GRM1: variants seen among roughly 807,000 people sequenced by gnomAD.
GRM1 encodes the protein glutamate metabotropic receptor 1, also known as metabotropic glutamate receptor 1.
Under a neutral mutation model 90.9 loss-of-function variants are expected in GRM1, and 33 were observed. The observed-to-expected ratio is 0.36, with a 90% CI of 0.28 to 0.49. The LOEUF is 0.49. GRM1 is among the 20% of genes least tolerant of loss of function. The probability of loss-of-function intolerance (pLI) is 0.99; values close to 1 mark genes in which losing one functional copy is unlikely to be tolerated. For missense variants in GRM1, 1,190 were observed against 1,534.3 expected (o/e 0.78, Z 3.75); for synonymous variants, 700 against 613.2 (o/e 1.14, Z -2.09).
chr6:146,150,745 C>T (rs1777294499), intron 1 of GRM1, among the ~76,000 whole-genome samples: 1 of 152,154 alleles, frequency 6.6e-6, no homozygotes, highest in South Asian at 2.1e-4. Flanking sequence ...GACCATCCTT[C>T]TACTCTATCT....
At chr6:146,285,950 T>C (rs1782753167) in intron 2 of GRM1, among the ~76,000 whole-genome samples, 1 of 152,190 alleles carries the variant, frequency 6.6e-6, no homozygotes, top group Non-Finnish European at 1.5e-5. Context: ...CTATATTTAA[T>C]GAGTTCTAGC....
At chr6:146,186,565 T>C (rs2114565433) in intron 2 of GRM1, among the ~76,000 whole-genome samples, 1 of 152,322 alleles carries the variant, frequency 6.6e-6, no homozygotes, top group East Asian at 1.9e-4. Flanking sequence ...ACTGGGTACA[T>C]GATCTGTTTA....
chr6:146,209,361 T>C (rs1043905165), intron 2 of GRM1, among the ~76,000 whole-genome samples: 2 of 152,156 alleles, frequency 1.3e-5, no homozygotes, highest in Non-Finnish European at 2.9e-5. Context: ...GTTTTAAAGA[T>C]CTGGGACATT....
chr6:146,169,779 C>G (rs578188871), intron 2 of GRM1, among the ~76,000 whole-genome samples: 1 of 152,122 alleles, frequency 6.6e-6, no homozygotes, highest in South Asian at 2.1e-4. Flanking sequence ...TATACAATGT[C>G]TGATAACAGT....
chr6:146,116,967 C>T (rs1213780665), intron 1 of GRM1, among the ~76,000 whole-genome samples: 1 of 151,784 alleles, frequency 6.6e-6, no homozygotes, highest in Admixed American at 6.6e-5. Context: ...ATGTGGTTTA[C>T]TTGCATTTTC....
intron 1 of GRM1, among the ~76,000 whole-genome samples, chr6:146,043,537 T>G (rs974192210): frequency 1.1e-4 from 17 of 151,898 alleles, no homozygotes; most frequent in Admixed American, 6.6e-4. Context: ...ATTTAAATGT[T>G]ATGATAGTAT....
At chr6:146,342,072 G>A (rs909570257) in intron 3 of GRM1, among the ~76,000 whole-genome samples, 1 of 152,124 alleles carries the variant, frequency 6.6e-6, no homozygotes, top group African/African-American at 2.4e-5. Flanking sequence ...AACAGTCTGG[G>A]AACTCAGACA....
chr6:146,296,846 T>C (rs949939467), intron 2 of GRM1, among the ~76,000 whole-genome samples: 3 of 152,218 alleles, frequency 2.0e-5, no homozygotes, highest in South Asian at 2.1e-4. Context: ...TTCCATTCTA[T>C]TGGATTTTGT....
intron 2 of GRM1, among the ~76,000 whole-genome samples, chr6:146,182,285 C>G (rs1201603956): frequency 6.6e-6 from 1 of 152,016 alleles, no homozygotes; most frequent in Non-Finnish European, 1.5e-5. Flanking sequence ...GTTTTTTCCT[C>G]TAGCAAATTG....
chr6:146,165,133 A>C (rs1777863733), intron 2 of GRM1, among the ~76,000 whole-genome samples: 1 of 152,092 alleles, frequency 6.6e-6, no homozygotes, highest in South Asian at 2.1e-4. Flanking sequence ...TTTTAGTTGA[A>C]ACACAACAAA....
chr6:146,126,670 G>T (rs556980796), intron 1 of GRM1, among the ~76,000 whole-genome samples: 23 of 152,206 alleles, frequency 1.5e-4, no homozygotes, highest in African/African-American at 5.5e-4. Flanking sequence ...ACAGGAGAAA[G>T]ATTCTCCTGT....
intron 2 of GRM1, among the ~76,000 whole-genome samples, chr6:146,238,189 A>G (rs575603367): frequency 1.3e-5 from 2 of 152,190 alleles, no homozygotes; most frequent in East Asian, 1.9e-4. Flanking sequence ...ATTGTTTTCT[A>G]TCATTTGGTT....
intron 3 of GRM1, among the ~76,000 whole-genome samples, chr6:146,321,303 G>T (rs1784181642): frequency 6.6e-6 from 1 of 152,178 alleles, no homozygotes; most frequent in African/African-American, 2.4e-5. Flanking sequence ...TTTTAATCCT[G>T]AGTTCTAATT....
At chr6:146,187,407 T>C (rs1033511563) in intron 2 of GRM1, among the ~76,000 whole-genome samples, 1 of 152,256 alleles carries the variant, frequency 6.6e-6, no homozygotes, top group Middle Eastern at 3.4e-3. Flanking sequence ...TTATAACTCA[T>C]ACCATATCAC....
At chr6:146,362,618 G>T (rs987075802) in intron 5 of GRM1, among the ~76,000 whole-genome samples, 1 of 138,212 alleles carries the variant, frequency 7.2e-6, no homozygotes, top group Non-Finnish European at 1.5e-5. Flanking sequence ...GGCAGAGCTT[G>T]CAGTGAGCCG....
At chr6:146,359,044 G>A (rs1775350613) in intron 5 of GRM1, among the ~76,000 whole-genome samples, 1 of 152,188 alleles carries the variant, frequency 6.6e-6, no homozygotes, top group Admixed American at 6.5e-5. Flanking sequence ...GGAAGGTTTG[G>A]CCAATGTGTT....
At chr6:146,416,307 A>G (rs1777780898) in intron 7 of GRM1, among the ~76,000 whole-genome samples, 1 of 151,790 alleles carries the variant, frequency 6.6e-6, no homozygotes, top group Admixed American at 6.6e-5. Flanking sequence ...TCTTTTGATT[A>G]GTCTAATATT....
At chr6:146,035,560 G>A (rs1790860498) in intron 1 of GRM1, among the ~76,000 whole-genome samples, 1 of 151,888 alleles carries the variant, frequency 6.6e-6, no homozygotes, top group African/African-American at 2.4e-5. Flanking sequence ...ATTTTATGAG[G>A]TGATCTTTGC....
chr6:146,366,670 T>G (rs1413377185), intron 5 of GRM1, among the ~76,000 whole-genome samples: 2 of 152,200 alleles, frequency 1.3e-5, no homozygotes, highest in Non-Finnish European at 2.9e-5. Flanking sequence ...TAACAGGATT[T>G]CATATACCTA....
Sources: allele counts gnomAD v4.1 joint callset (sites outside exome capture counted in the v4.1 genomes callset), GRCh38; gene constraint gnomAD v4.1.1; transcripts MANE v1.5; gene names NCBI Gene and HGNC (gene_info 2026-07-23, HGNC 2026-07-21).